SEL1L2: variants seen among roughly 807,000 people sequenced by gnomAD.
SEL1L2 encodes the protein protein sel-1 homolog 2.
Under a neutral mutation model 98.8 loss-of-function variants are expected in SEL1L2, and 89 were observed. The ratio of observed to expected loss-of-function variants is 0.90; its 90% CI spans 0.76 to 1.07. The LOEUF is 1.07. Among genes scored for constraint, SEL1L2 ranks in the 50% least tolerant of loss-of-function variants. The probability of loss-of-function intolerance (pLI) is 0.00; values close to 1 mark genes in which losing one functional copy is unlikely to be tolerated. For missense variants in SEL1L2, 788 were observed against 812.0 expected (o/e 0.97, Z 0.36); for synonymous variants, 262 against 278.5 (o/e 0.94, Z 0.59).
intron 17 of SEL1L2, 30 bp downstream of exon 17, chr20:13,865,137 T>A: frequency 6.4e-7 from 1 of 1,563,684 alleles, no homozygotes; most frequent in Non-Finnish European, 8.8e-7. Context: ...AGGGACCGGG[T>A]ATGTGCTTAT....
chr20:13,897,692 G>C (rs192080973), intron 5 of SEL1L2, among the ~76,000 whole-genome samples: 1 of 151,936 alleles, frequency 6.6e-6, no homozygotes, highest in Non-Finnish European at 1.5e-5. Flanking sequence ...AATCATTAAG[G>C]AATGCAAGTC....
intron 1 of SEL1L2, among the ~76,000 whole-genome samples, chr20:13,959,989 A>G (rs545690319): frequency 6.6e-6 from 1 of 152,252 alleles, no homozygotes; most frequent in Non-Finnish European, 1.5e-5. Context: ...TCTCAATTAT[A>G]GTATCTTTCA....
chr20:13,976,849 G>A (rs957399517), intron 1 of SEL1L2, among the ~76,000 whole-genome samples: 11 of 152,202 alleles, frequency 7.2e-5, no homozygotes, highest in Non-Finnish European at 1.3e-4. Flanking sequence ...TTTGGTAAAA[G>A]AATAAGGGAA....
chr20:13,921,532 G>A (rs183843504), intron 3 of SEL1L2, among the ~76,000 whole-genome samples: 207 of 152,184 alleles, frequency 1.4e-3, no homozygotes, highest in African/African-American at 4.8e-3. Flanking sequence ...TTTACTATAA[G>A]AGGGTCCAGG....
At chr20:13,870,938 A>G (rs1003641670) in intron 12 of SEL1L2, among the ~76,000 whole-genome samples, 20 of 151,824 alleles carry the variant, frequency 1.3e-4, no homozygotes, top group South Asian at 6.2e-4. Flanking sequence ...AAAAAAAAAA[A>G]AAAAAAGAAA....
chr20:13,979,002 A>G (rs1243814037), intron 1 of SEL1L2, among the ~76,000 whole-genome samples: 1 of 152,142 alleles, frequency 6.6e-6, no homozygotes, highest in East Asian at 1.9e-4. Context: ...GGAGGTTGCA[A>G]TGAGCTGCGA....
intron 8 of SEL1L2, 56 bp from the exon 9 acceptor site, chr20:13,886,498 CAG>C: frequency 6.8e-7 from 1 of 1,465,688 alleles, no homozygotes; most frequent in South Asian, 1.2e-5. Context: ...CAAGAGATAA[CAG>C]TCAATTTAGA....
intron 2 of SEL1L2, among the ~76,000 whole-genome samples, chr20:13,939,706 GCC>G (rs2049659889): frequency 8.3e-6 from 1 of 120,876 alleles, no homozygotes; most frequent in Admixed American, 8.3e-5. Context: ...TGTTCTTGTT[GCC>G]CAGGCTGGAG....
At chr20:13,921,121 A>G (rs537803723) in intron 3 of SEL1L2, among the ~76,000 whole-genome samples, 1 of 152,310 alleles carries the variant, frequency 6.6e-6, no homozygotes, top group African/African-American at 2.4e-5. Context: ...ACCACCACAA[A>G]TTTCTACCTA....
At chr20:13,964,030 C>G (rs912836896) in intron 1 of SEL1L2, among the ~76,000 whole-genome samples, 1 of 152,006 alleles carries the variant, frequency 6.6e-6, no homozygotes, top group East Asian at 2.0e-4. Context: ...TGCCACCACT[C>G]CCAGCTAATT....
Position 13,912,090 on chromosome 20 carries a change from C to T in SEL1L2, c.549+1692G>A, listed in dbSNP as rs537832329. 4.6e-4 allele frequency among the ~76,000 whole-genome samples: 70 copies of T among 152,076 alleles called. 1 individual carries two copies. In the South Asian group the frequency reaches 5.6e-3, roughly 12 times the overall value. Reference sequence around the variant, plus strand: ...TAAATGTTAGAGATATAGCAGTGAACGAGAAGGATGCGGTACCCAATGTTT... The same window carrying T: ...TAAATGTTAGAGATATAGCAGTGAATGAGAAGGATGCGGTACCCAATGTTT... On this transcript the variant is annotated intron_variant, in intron 5 of 19. Transcript: ENST00000284951.
rs749364751 is a variant in SEL1L2, at chr20:13,888,510, T to C, written c.552A>G (p.Ala184=). Residue 184 remains alanine, a splice_region_variant and synonymous_variant, in exon 6 of 20, where the codon GCA becomes GCG. Transcript: ENST00000284951. ...TTCCATAAGAAGACAAAAATCCTAATGCCTAAAGCACAAAAGAAGAAACAA... is the reference window on the plus strand; with the variant it reads ...TTCCATAAGAAGACAAAAATCCTAACGCCTAAAGCACAAAAGAAGAAACAA... ...AKEGSCKAQN[A]LGFLSSYGIG... The C allele has an allele frequency of 1.2e-5, 19 of 1,541,134 alleles. No homozygotes were observed. In the East Asian group the frequency reaches 4.1e-4, roughly 33 times the overall value.
chr20:13,981,241 AC>A (rs2051814718), intron 1 of SEL1L2, among the ~76,000 whole-genome samples: 1 of 151,786 alleles, frequency 6.6e-6, no homozygotes, highest in Non-Finnish European at 1.5e-5. Context: ...AAACTCCACA[AC>A]CCCCCTAAAA....
At chr20:13,931,822 A>C (rs753095668) in intron 2 of SEL1L2, 51 bp from the exon 3 acceptor site, 2 of 1,375,056 alleles carry the variant, frequency 1.5e-6, no homozygotes, top group East Asian at 2.7e-5. Flanking sequence ...AGTTTTTTTC[A>C]AATGAAACAA....
intron 5 of SEL1L2, 28 bp from the exon 6 acceptor site, chr20:13,888,540 T>G (rs903576913): frequency 7.8e-7 from 1 of 1,282,726 alleles, no homozygotes; most frequent in Non-Finnish European, 1.1e-6. Context: ...AAACAAAATT[T>G]AATAAATCAA....
At chr20:13,898,079 C>T (rs6105184) in intron 5 of SEL1L2, among the ~76,000 whole-genome samples, 1 of 152,032 alleles carries the variant, frequency 6.6e-6, no homozygotes, top group Admixed American at 6.6e-5. Flanking sequence ...ATGCAGTTTC[C>T]TTAAAAAATT....
At chr20:13,958,792 AAGTT>A (rs999860236) in intron 1 of SEL1L2, among the ~76,000 whole-genome samples, 3 of 151,804 alleles carry the variant, frequency 2.0e-5, no homozygotes, top group Non-Finnish European at 4.4e-5. Flanking sequence ...AAAAAAAAAA[AAGTT>A]AGCCGGGTGT....
chr20:13,975,120 G>T (rs1432230059), intron 1 of SEL1L2, among the ~76,000 whole-genome samples: 5 of 152,032 alleles, frequency 3.3e-5, no homozygotes. Context: ...GCTGATAAAT[G>T]ATATAAATAA....
Position 13,915,557 on chromosome 20 carries a change from T to C in SEL1L2, c.387-1613A>G, listed in dbSNP as rs1456248991. Among the ~76,000 whole-genome samples the C allele has an allele frequency of 2.0e-5, 3 of 152,146 alleles. No homozygotes were observed. In the East Asian group the frequency reaches 5.8e-4, roughly 29 times the overall value. ...TGGACCAAGGCACAGAAACCTGAGA[T>C]AGGCTGCAGGGGCCTCCAATAGTAC... is the stretch of plus-strand genomic sequence containing the variant. On this transcript the variant is annotated intron_variant, in intron 4 of 19. Transcript: ENST00000284951.
Sources: gnomAD v4.1 joint callset for allele counts (sites outside exome capture counted in the v4.1 genomes callset) on GRCh38, gnomAD v4.1.1 for gene constraint, MANE v1.5 for transcripts, NCBI Gene and HGNC (gene_info 2026-07-23, HGNC 2026-07-21) for gene names.